PFKM: variants seen among roughly 807,000 people sequenced by gnomAD.
The protein encoded by PFKM is phosphofructokinase, muscle, also known as ATP-dependent 6-phosphofructokinase, muscle type.
Under a neutral mutation model 95.5 loss-of-function variants are expected in PFKM, and 58 were observed. The ratio of observed to expected loss-of-function variants is 0.61; its 90% CI spans 0.49 to 0.76. The LOEUF (loss-of-function observed/expected upper bound fraction) is 0.76. Among genes scored for constraint, PFKM ranks in the 30% least tolerant of loss-of-function variants. The pLI is 0.00. For missense variants in PFKM, 678 were observed against 1,005.4 expected, an observed-to-expected ratio of 0.67 and a Z score of 4.40; for synonymous variants, 336 against 357.2, an observed-to-expected ratio of 0.94 and a Z score of 0.67.
At chr12:48,110,865 G>A (rs989272846) in intron 3 of PFKM, among the ~76,000 whole-genome samples, 3 of 152,088 alleles carry the variant, frequency 2.0e-5, no homozygotes, top group Non-Finnish European at 2.9e-5. Flanking sequence ...ATCAGCTCCT[G>A]GCATAAGAAA....
At position 48,107,128 on chromosome 12, in the gene PFKM, A is replaced by C. The variant is rs551844576; in HGVS notation, c.-9-237A>C. Reference sequence around the variant, plus strand: ...TCTGAGCTCAGACTTAAAGAAGGGCAGTTTCTGGAGGCCCCCAGCCTTTCT... The same window carrying C: ...TCTGAGCTCAGACTTAAAGAAGGGCCGTTTCTGGAGGCCCCCAGCCTTTCT... On this transcript the variant is annotated intron_variant, in intron 1 of 24. Coordinates refer to the PFKM transcript ENST00000340802. 2.6e-5 allele frequency among the ~76,000 whole-genome samples: 4 copies of C among 152,276 alleles called. No homozygotes were observed. In the East Asian group the frequency reaches 7.7e-4, roughly 29 times the overall value.
chr12:48,144,511 C>T (rs1950853647), intron 20 of PFKM, among the ~76,000 whole-genome samples: 1 of 152,236 alleles, frequency 6.6e-6, no homozygotes, highest in African/African-American at 2.4e-5. Flanking sequence ...CACTAGATGC[C>T]AGTAGCACCT....
upstream of PFKM, among the ~76,000 whole-genome samples, chr12:48,115,012 A>C (rs1219463351): frequency 6.6e-6 from 1 of 152,170 alleles, no homozygotes; most frequent in Non-Finnish European, 1.5e-5. Flanking sequence ...TTTAAAGAGA[A>C]GAGTAGAGTC....
intron 3 of PFKM, among the ~76,000 whole-genome samples, chr12:48,111,369 G>C (rs1679010087): frequency 6.6e-6 from 1 of 152,202 alleles, no homozygotes; most frequent in Admixed American, 6.5e-5. Context: ...AAGCAGCCTT[G>C]AGAAGAGTTT....
At chr12:48,142,397 T>C in intron 17 of PFKM, 1 of 434,378 alleles carries the variant, frequency 2.3e-6, no homozygotes, top group Non-Finnish European at 4.3e-6. Flanking sequence ...TGCTTGAACC[T>C]GGGAGGCGGA....
At chr12:48,127,968 C>T (rs1045661320) in intron 2 of PFKM, among the ~76,000 whole-genome samples, 2 of 152,244 alleles carry the variant, frequency 1.3e-5, no homozygotes, top group Non-Finnish European at 2.9e-5. Context: ...TCAAACTTCT[C>T]ATGGCACATA....
Position 48,145,565 on chromosome 12 carries a change from C to T in PFKM, c.2200C>T (p.His734Tyr). Residue 734 changes from histidine (H) to tyrosine (Y), a missense_variant and splice_region_variant, in exon 23 of 23, where the codon CAT becomes TAT. Physicochemically the swap from His to Tyr is moderately conservative, Grantham distance 83. Transcript: ENST00000359794. The surrounding 1 kb of genome is among the most constrained non-coding windows in gnomAD (Gnocchi z 4.3). ...AELKDQTDFE[H>Y]RIPKEQWWLK... ...ATCATCTACCTCATTCCTCTGTAGG[C>T]ATCGAATCCCCAAGGAACAGTGGTG... The T allele has an allele frequency of 6.2e-7, 1 of 1,614,066 alleles. No homozygotes were observed. Among genetic ancestry groups the T allele is most frequent in the Non-Finnish European group, 8.5e-7 (1 of 1,179,948 alleles).
At chr12:48,133,234 G>GTT in intron 5 of PFKM, 81 bp from the exon 6 acceptor site, 1 of 1,383,512 alleles carries the variant, frequency 7.2e-7, no homozygotes, top group Non-Finnish European at 1.0e-6. Context: ...TTTGGCTAGA[G>GTT]TTTCTCTCTC....
rs371955375 is a variant in PFKM, at chr12:48,130,311, C to T, written c.86-52C>T. 802 of 1,136,052 alleles carry T rather than the reference C, an allele frequency of 7.1e-4. 1 individual carries two copies. Among genetic ancestry groups the T allele is most frequent in the Non-Finnish European group, 1.0e-3 (740 of 742,764 alleles). The allele number at this position is 1,136,052 out of a possible 1,614,324, so 70.4% of individuals were successfully genotyped here. The stretch of plus-strand genomic sequence containing the variant: ...AATGTAATATCTCTGGATTCCAGGG[C>T]GCCTTTTCTTAGGAGCAACCTCTCC... On this transcript the variant is annotated intron_variant, in intron 2 of 22. Coordinates refer to ENST00000359794, the MANE Select transcript of PFKM (RefSeq NM_000289.6).
intron 3 of PFKM, 63 bp downstream of exon 3, chr12:48,130,499 C>G (rs779324185): frequency 8.2e-7 from 1 of 1,216,278 alleles, no homozygotes; most frequent in Non-Finnish European, 1.2e-6. Context: ...TGCCTTCTAT[C>G]CCCTTCCCAC....
intron 3 of PFKM, among the ~76,000 whole-genome samples, chr12:48,111,501 G>A (rs1369978262): frequency 1.3e-5 from 2 of 152,246 alleles, no homozygotes; most frequent in East Asian, 1.9e-4. Flanking sequence ...ATATTGATGC[G>A]TAGTCCCTTT....
upstream of PFKM, chr12:48,105,839 C>G: frequency 1.7e-6 from 1 of 597,022 alleles, no homozygotes; most frequent in Non-Finnish European, 3.0e-6. Context: ...GCGGCCACAG[C>G]GCGGCCACCG....
chr12:48,130,785 T>C (rs1162248325), intron 3 of PFKM, among the ~76,000 whole-genome samples: 1 of 152,226 alleles, frequency 6.6e-6, no homozygotes, highest in Non-Finnish European at 1.5e-5. Context: ...GAAAAGAGAC[T>C]TGCTGCATTT....
At chr12:48,132,730 G>T in intron 4 of PFKM, 138 bp from the exon 5 acceptor site, 1 of 754,272 alleles carries the variant, frequency 1.3e-6, no homozygotes, top group Non-Finnish European at 2.3e-6. Flanking sequence ...CTTTGGAAGG[G>T]ACAGATCACT....
rs1364724283 is a variant in PFKM at position 48,135,279 on chromosome 12, T to C, written c.844-12T>C. On this transcript the variant is annotated splice_polypyrimidine_tract_variant and intron_variant, in intron 9 of 22. Coordinates refer to ENST00000359794, the MANE Select transcript of PFKM (RefSeq NM_000289.6). ...CGTAACCCTCTCTCTGTCCCTCTGT[T>C]GGTCCCTTCAGCTGGTGGTTAAGCG... 1 of 1,609,142 alleles carries C rather than the reference T, an allele frequency of 6.2e-7. No individual in the cohort carries two copies. Among genetic ancestry groups the C allele is most frequent in the Admixed American group, 1.7e-5 (1 of 60,012 alleles).
At chr12:48,110,168 G>A (rs1030408241) in intron 3 of PFKM, among the ~76,000 whole-genome samples, 3 of 152,172 alleles carry the variant, frequency 2.0e-5, no homozygotes, top group African/African-American at 7.2e-5. Context: ...GTATGCATTA[G>A]CCAGGCAAAG....
intron 2 of PFKM, among the ~76,000 whole-genome samples, chr12:48,124,199 A>G (rs1409153858): frequency 6.6e-6 from 1 of 152,230 alleles, no homozygotes; most frequent in African/African-American, 2.4e-5. Flanking sequence ...AAGTGCTAGA[A>G]TGAAGAAACT....
At position 48,139,268 on chromosome 12, in the gene PFKM, C is replaced by CTGTG. The variant is rs957774674; in HGVS notation, c.1063-16_1063-13dup. 5 of 1,609,362 alleles carry CTGTG rather than the reference C, an allele frequency of 3.1e-6. No homozygotes were observed. Among genetic ancestry groups the CTGTG allele is most frequent in the Non-Finnish European group, 4.3e-6 (5 of 1,176,178 alleles). Reference sequence around the variant, plus strand: ...CCTGACCCTGGAGTTGAAACTGTCGCTGTGCTCCCCCCTCAGACCAAAGAT... The same window carrying CTGTG: ...CCTGACCCTGGAGTTGAAACTGTCGCTGTGTGTGCTCCCCCCTCAGACCAAAGAT... On this transcript the variant is annotated splice_polypyrimidine_tract_variant and intron_variant, in intron 11 of 22. Transcript: ENST00000359794.
chr12:48,129,025 C>G (rs949209627), intron 2 of PFKM, among the ~76,000 whole-genome samples: 1 of 152,024 alleles, frequency 6.6e-6, no homozygotes, highest in Non-Finnish European at 1.5e-5. Flanking sequence ...ATGAAACACA[C>G]ATATGGGACA....
Sources: allele counts gnomAD v4.1 joint callset (sites outside exome capture counted in the v4.1 genomes callset), GRCh38; gene constraint gnomAD v4.1.1; non-coding constraint Gnocchi (gnomAD v3.1); transcripts MANE v1.5; gene names NCBI Gene and HGNC (gene_info 2026-07-23, HGNC 2026-07-21).